FSTL5: variants seen among roughly 807,000 people sequenced by gnomAD.
The protein encoded by FSTL5 is follistatin-related protein 5.
Under a neutral mutation model 89.1 loss-of-function variants are expected in FSTL5, and 62 were observed. The observed-to-expected ratio is 0.70, with a 90% CI of 0.57 to 0.86. The LOEUF is 0.86. Among genes scored for constraint, FSTL5 ranks in the 40% least tolerant of loss-of-function variants. FSTL5 has a pLI of 0.00. For missense variants in FSTL5, 1,057 were observed against 1,001.6 expected (o/e 1.06, Z -0.75); for synonymous variants, 383 against 346.2 (o/e 1.11, Z -1.18).
At chr4:162,107,372 G>C (rs1255335159) in intron 2 of FSTL5, among the ~76,000 whole-genome samples, 1 of 152,078 alleles carries the variant, frequency 6.6e-6, no homozygotes, top group Non-Finnish European at 1.5e-5. Flanking sequence ...CAGAGTACCC[G>C]CTATACAATC....
intron 2 of FSTL5, among the ~76,000 whole-genome samples, chr4:162,095,895 A>C (rs1205860356): frequency 6.6e-6 from 1 of 151,998 alleles, no homozygotes; most frequent in East Asian, 1.9e-4. Flanking sequence ...CATTTTAAAC[A>C]AGTACATTAG....
chr4:161,825,309 A>C (rs1730633036), intron 4 of FSTL5, among the ~76,000 whole-genome samples: 1 of 145,780 alleles, frequency 6.9e-6, no homozygotes, highest in Non-Finnish European at 1.6e-5. Context: ...ATTGTTAAGG[A>C]TTTTTGCATC....
intron 10 of FSTL5, among the ~76,000 whole-genome samples, chr4:161,511,192 T>C (rs1031998928): frequency 6.6e-6 from 1 of 152,134 alleles, no homozygotes. Flanking sequence ...GTGTAACTAA[T>C]AGAAAATCTC....
At chr4:161,949,271 T>C (rs2110947079) in intron 3 of FSTL5, among the ~76,000 whole-genome samples, 1 of 152,286 alleles carries the variant, frequency 6.6e-6, no homozygotes, top group African/African-American at 2.4e-5. Flanking sequence ...TAATCCAGAA[T>C]AATCTCCCCA....
chr4:161,978,881 C>A lies in FSTL5; in HGVS notation c.160+54744G>T, dbSNP rs372588111. Among the ~76,000 whole-genome samples, 291 of 152,192 alleles carry A rather than the reference C, an allele frequency of 1.9e-3. 7 individuals carry two copies. The South Asian group carries it at 0.052, about 27-fold the overall frequency. Reference sequence around the variant, plus strand: ...CCTCATATCAGGAGACACATAACATCAGGTTTTTAATCACTGATTATTCTA... The same window carrying A: ...CCTCATATCAGGAGACACATAACATAAGGTTTTTAATCACTGATTATTCTA... On this transcript the variant is annotated intron_variant, in intron 3 of 15. Transcript: ENST00000306100.
At chr4:161,830,431 C>G (rs913787472) in intron 4 of FSTL5, among the ~76,000 whole-genome samples, 1 of 151,904 alleles carries the variant, frequency 6.6e-6, no homozygotes, top group Admixed American at 6.6e-5. Context: ...ATCAAACTTG[C>G]ATTGCCTTGC....
chr4:161,490,608 T>G (rs887149197), intron 12 of FSTL5, among the ~76,000 whole-genome samples: 6 of 152,182 alleles, frequency 3.9e-5, no homozygotes, highest in Non-Finnish European at 7.4e-5. Flanking sequence ...CTTTCCATAT[T>G]GTCTAGCACA....
intron 15 of FSTL5, among the ~76,000 whole-genome samples, chr4:161,393,197 A>G (rs1363640209): frequency 2.0e-5 from 3 of 151,930 alleles, no homozygotes; most frequent in East Asian, 3.9e-4. Context: ...TTTAAAATCT[A>G]TTAATTAATC....
chr4:161,956,803 T>G (rs1735038990), intron 3 of FSTL5, among the ~76,000 whole-genome samples: 1 of 151,992 alleles, frequency 6.6e-6, no homozygotes, highest in Non-Finnish European at 1.5e-5. Context: ...CTTCAAAAGT[T>G]TTAACAGTAA....
At chr4:161,398,991 T>C (rs1218329419) in intron 15 of FSTL5, among the ~76,000 whole-genome samples, 1 of 152,050 alleles carries the variant, frequency 6.6e-6, no homozygotes, top group Non-Finnish European at 1.5e-5. Context: ...AGAATACACG[T>C]TAAAAAATGT....
At chr4:161,977,151 G>GT (rs1735673261) in intron 3 of FSTL5, among the ~76,000 whole-genome samples, 1 of 152,134 alleles carries the variant, frequency 6.6e-6, no homozygotes, top group Non-Finnish European at 1.5e-5. Context: ...GGACATGATA[G>GT]ATCAAAATGT....
chr4:162,046,839 T>A (rs1738200400), intron 2 of FSTL5, among the ~76,000 whole-genome samples: 1 of 152,160 alleles, frequency 6.6e-6, no homozygotes, highest in Non-Finnish European at 1.5e-5. Flanking sequence ...CTATAATATG[T>A]TTATCCCTTA....
At chr4:161,450,353 C>T (rs1218299317) in intron 15 of FSTL5, among the ~76,000 whole-genome samples, 1 of 152,178 alleles carries the variant, frequency 6.6e-6, no homozygotes, top group Non-Finnish European at 1.5e-5. Context: ...ATTTTTCTCT[C>T]TTCACAATGG....
intron 4 of FSTL5, among the ~76,000 whole-genome samples, chr4:161,887,566 A>G (rs1732855286): frequency 6.6e-6 from 1 of 152,104 alleles, no homozygotes; most frequent in African/African-American, 2.4e-5. Context: ...ATCTTTTGCT[A>G]CAATATCCTT....
chr4:161,841,652 T>TAAATATATAA (rs1731214840), intron 4 of FSTL5, among the ~76,000 whole-genome samples: 1 of 152,122 alleles, frequency 6.6e-6, no homozygotes, highest in African/African-American at 2.4e-5. Flanking sequence ...TAGATAAAAA[T>TAAATATATAA]AAATATATAA....
chr4:161,811,641 G>T (rs1049893683), intron 4 of FSTL5, among the ~76,000 whole-genome samples: 1 of 151,456 alleles, frequency 6.6e-6, no homozygotes, highest in African/African-American at 2.4e-5. Context: ...ATTATATCAA[G>T]CGGGCTTGAA....
intron 10 of FSTL5, among the ~76,000 whole-genome samples, chr4:161,535,703 C>T (rs1004517372): frequency 4.6e-5 from 7 of 151,982 alleles, no homozygotes; most frequent in Admixed American, 2.0e-4. Flanking sequence ...TTAAAACAGA[C>T]GTTACTATTT....
chr4:161,391,522 T>G (rs1005815190), intron 15 of FSTL5, among the ~76,000 whole-genome samples: 1 of 152,168 alleles, frequency 6.6e-6, no homozygotes, highest in Admixed American at 6.6e-5. Flanking sequence ...AAATCTGACA[T>G]GAGCTATCAT....
chr4:161,951,150 G>A (rs1309049125), intron 3 of FSTL5, among the ~76,000 whole-genome samples: 5 of 152,122 alleles, frequency 3.3e-5, no homozygotes, highest in East Asian at 3.9e-4. Context: ...CATATAAGAT[G>A]TGCCTTTGCT....
Sources: gnomAD v4.1 joint callset for allele counts (sites outside exome capture counted in the v4.1 genomes callset) on GRCh38, gnomAD v4.1.1 for gene constraint, MANE v1.5 for transcripts, NCBI Gene and HGNC (gene_info 2026-07-23, HGNC 2026-07-21) for gene names.